The following ACOT11 variants were observed in gnomAD, a reference collection of about 807,000 sequenced individuals.
ACOT11 encodes acyl-coenzyme A thioesterase 11.
ACOT11 carries 69 observed loss-of-function variants against 77.5 expected under a neutral mutation model. The ratio of observed to expected loss-of-function variants is 0.89; its 90% CI spans 0.73 to 1.09. The LOEUF (loss-of-function observed/expected upper bound fraction) is 1.09, where lower values mean the gene tolerates loss of function less well. ACOT11 is among the 50% of genes least tolerant of loss of function. ACOT11 has a pLI of 0.00. For synonymous variants in ACOT11, 279 were observed against 313.0 expected, an observed-to-expected ratio of 0.89 and a Z score of 1.15; for missense variants, 766 against 813.7, an observed-to-expected ratio of 0.94 and a Z score of 0.71.
At chr1:54,614,577 A>G (rs892423472), downstream of ACOT11, 2 of 974,068 alleles carry the variant, frequency 2.1e-6, no homozygotes, top group African/African-American at 1.7e-5. Flanking sequence ...GCAAAGGCTC[A>G]GAGGTGAGGC....
chr1:54,597,460 C>A, intron 7 of ACOT11, 45 bp downstream of exon 7: 2 of 1,549,888 alleles, frequency 1.3e-6, no homozygotes, highest in African/African-American at 1.4e-5. Context: ...CTTTCTCCTC[C>A]TCCTCCCCTT....
intron 1 of ACOT11, among the ~76,000 whole-genome samples, chr1:54,576,723 A>G (rs1300742785): frequency 6.6e-6 from 1 of 152,164 alleles, no homozygotes; most frequent in Non-Finnish European, 1.5e-5. Flanking sequence ...AAACTTAGCA[A>G]TTTAGCTTGA....
chr1:54,611,605 C>T (rs141735196), downstream of ACOT11: 979 of 1,613,684 alleles, frequency 6.1e-4, 2 homozygotes, highest in South Asian at 1.2e-3. Context: ...CCTCTCCTTA[C>T]AGGCCAGCTG....
exon 17 of ACOT11, chr1:54,635,717 G>A (rs1272803008): frequency 6.3e-6 from 1 of 158,410 alleles, no homozygotes; most frequent in East Asian, 1.9e-4. Context: ...GTTTGCCTTT[G>A]TATAGTCTGC....
chr1:54,569,832 C>T (rs1295200930), intron 1 of ACOT11, among the ~76,000 whole-genome samples: 1 of 152,174 alleles, frequency 6.6e-6, no homozygotes, highest in Non-Finnish European at 1.5e-5. Context: ...TCATTTTCAT[C>T]TGCTTGGTTT....
chr1:54,590,359 C>T (rs922984558), intron 3 of ACOT11, among the ~76,000 whole-genome samples: 2 of 152,236 alleles, frequency 1.3e-5, no homozygotes, highest in Non-Finnish European at 2.9e-5. Context: ...TTGTGAAGAA[C>T]ACCTGGAAGG....
At chr1:54,597,121 T>C in intron 6 of ACOT11, 138 bp from the exon 7 acceptor site, 1 of 1,080,082 alleles carries the variant, frequency 9.3e-7, no homozygotes, top group Non-Finnish European at 1.3e-6. Context: ...CTCTGCCTCA[T>C]GTGCACTCTG....
Position 54,609,110 on chromosome 1 carries a change from T to TAG in ACOT11, c.1785_*1dup, listed in dbSNP as rs1464670446. 3 of 1,614,072 alleles carry TAG rather than the reference T, an allele frequency of 1.9e-6. No homozygotes were observed. The highest frequency in any genetic ancestry group is 2.5e-6 in the Non-Finnish European group (3 of 1,179,990). The change falls in exon 16 of 16, where the codon TAG becomes TAGAG. Residue 595 remains the stop codon, a frameshift_variant and stop_retained_variant. Coordinates refer to ENST00000343744, the MANE Select transcript of ACOT11 (RefSeq NM_147161.4). LOFTEE classifies it high-confidence loss of function. ...TCTGGCCCCCAGCCTCCAGACCCTC[T>TAG]AGATGCCCTCAGTGGCCACATCATG... ...NDLAPSLQTL[*]
chr1:54,597,359 C>T lies in ACOT11; in HGVS notation c.708C>T (p.Asn236=), dbSNP rs72903807. 8.7e-6 allele frequency: 14 copies of T among 1,613,958 alleles called. No individual in the cohort carries two copies. Among genetic ancestry groups the T allele is most frequent in the Admixed American group, 3.3e-5 (2 of 60,002 alleles). The change falls in exon 7 of 16, where the codon AAC becomes AAT. Residue 236 remains asparagine, a synonymous_variant. Transcript: ENST00000343744. ...VLPPHANHQG[N]TFGGQIMAWM... is the part of the protein sequence containing the mutation. ...CTCCCCACGCCAATCACCAGGGCAA[C>T]ACCTTTGGGGGCCAGATCATGGCCT...
At chr1:54,625,832 G>A (rs899315252) in intron 15 of ACOT11, among the ~76,000 whole-genome samples, 3 of 151,468 alleles carry the variant, frequency 2.0e-5, no homozygotes, top group Non-Finnish European at 4.4e-5. Context: ...CCAGCTACTC[G>A]GGAGGCTGAG....
In ACOT11 at chr1:54,608,898, C is replaced by G. The variant is rs865929051; in HGVS notation, c.1630-59C>G. On this transcript the variant is annotated intron_variant, in intron 15 of 15. Coordinates refer to ENST00000343744, the MANE Select transcript of ACOT11 (RefSeq NM_147161.4). ...CAGCCTCGTGCCCACTGGGCTCCCA[C>G]CCCTTCCCAGGACCCTCCCCTAGCT... is the stretch of plus-strand genomic sequence containing the variant. 10 of 1,550,928 alleles carry G rather than the reference C, an allele frequency of 6.4e-6. No homozygotes were observed. The Middle Eastern group carries it at 5.1e-4, about 80-fold the overall frequency.
chr1:54,604,502 T>C, intron 12 of ACOT11, 73 bp downstream of exon 12: 1 of 1,322,062 alleles, frequency 7.6e-7, no homozygotes. Context: ...CAACAAGAAC[T>C]CTCCCACACC....
At chr1:54,559,880 C>T (rs1410343818) in intron 1 of ACOT11, among the ~76,000 whole-genome samples, 8 of 152,214 alleles carry the variant, frequency 5.3e-5, no homozygotes, top group Non-Finnish European at 1.0e-4. Context: ...GCTGAAGCTC[C>T]TCTCCTTGTC....
chr1:54,624,735 G>A (rs1644261684), intron 15 of ACOT11, among the ~76,000 whole-genome samples: 1 of 152,120 alleles, frequency 6.6e-6, no homozygotes, highest in African/African-American at 2.4e-5. Flanking sequence ...TGCTGGCCAG[G>A]ACAGTTTCCC....
At position 54,623,399 on chromosome 1, in the gene ACOT11, G is replaced by A. The variant is rs769352946; in HGVS notation, c.1630-7335G>A. On this transcript the variant is annotated intron_variant, in intron 15 of 16. Coordinates refer to the ACOT11 transcript ENST00000371316. ...ATAACTGCTCCCTGCAGACCATGGC[G>A]ACGCTCTCTGGGGAATGCCCCCAAC... 43 of 1,610,016 alleles carry A rather than the reference G, an allele frequency of 2.7e-5. 1 individual carries two copies. Among genetic ancestry groups the A allele is most frequent in the South Asian group, 9.9e-5 (9 of 90,938 alleles).
intron 15 of ACOT11, among the ~76,000 whole-genome samples, chr1:54,624,219 G>C (rs561216161): frequency 6.6e-6 from 1 of 152,004 alleles, no homozygotes; most frequent in African/African-American, 2.4e-5. Flanking sequence ...AGACTTCAGC[G>C]TCTACACATT....
downstream of ACOT11, chr1:54,611,138 T>A: frequency 1.5e-6 from 1 of 647,382 alleles, no homozygotes; most frequent in Non-Finnish European, 1.9e-6. Context: ...AGTTTCTCTA[T>A]AAAATGAATG....
intron 15 of ACOT11, among the ~76,000 whole-genome samples, chr1:54,617,850 A>G (rs558886678): frequency 7.3e-5 from 11 of 149,934 alleles, no homozygotes; most frequent in Admixed American, 4.1e-4. Context: ...CAGCCTCCTG[A>G]GTAGCTGGGA....
chr1:54,613,295 C>T (rs1006733182), downstream of ACOT11, among the ~76,000 whole-genome samples: 2 of 152,022 alleles, frequency 1.3e-5, no homozygotes, highest in African/African-American at 4.8e-5. Context: ...AGGAAAATCG[C>T]TTGAACCCAG....
Sources: gnomAD v4.1 joint callset for allele counts (sites outside exome capture counted in the v4.1 genomes callset) on GRCh38, gnomAD v4.1.1 for gene constraint, MANE v1.5 for transcripts, NCBI Gene and HGNC (gene_info 2026-07-23, HGNC 2026-07-21) for gene names.